The following DLC1 variants were observed in gnomAD, a reference collection of about 807,000 sequenced individuals.
DLC1 encodes DLC1 Rho GTPase activating protein, also known as rho GTPase-activating protein 7.
Under a neutral mutation model 140.3 loss-of-function variants are expected in DLC1, and 54 were observed. That is an observed-to-expected ratio of 0.38 (90% CI 0.31 to 0.48). The LOEUF is 0.48. Ranked by LOEUF, DLC1 falls within the 20% of genes least tolerant of loss-of-function variation. DLC1 has a pLI of 0.96. For synonymous variants in DLC1, 986 were observed against 728.1 expected, an observed-to-expected ratio of 1.35 and a Z score of -5.70; for missense variants, 2,536 against 1,907.0, an observed-to-expected ratio of 1.33 and a Z score of -6.14.
intron 5 of DLC1, among the ~76,000 whole-genome samples, chr8:13,136,360 G>C (rs1822560139): frequency 6.6e-6 from 1 of 152,042 alleles, no homozygotes; most frequent in Non-Finnish European, 1.5e-5. Flanking sequence ...GTAGTTCCCA[G>C]TGTGTCTTGT....
rs201003991 is a variant in DLC1, at chr8:13,396,061, TC to T, written c.1174-2369del. Among the ~76,000 whole-genome samples, 780 of 134,420 alleles carry T rather than the reference TC, an allele frequency of 5.8e-3. 25 individuals are homozygous for T. Among genetic ancestry groups the T allele is most frequent in the African/African-American group, 0.023 (728 of 31,798 alleles). The allele number at this position is 134,420 out of a possible 152,430, so 88.2% of individuals were successfully genotyped here. Reference sequence around the variant, plus strand: ...ATATTTTGCATTAATTTCTTTTCTTTCTTTTTTTTTTTTTTTGAGACGGAGT... The same window carrying T: ...ATATTTTGCATTAATTTCTTTTCTTTTTTTTTTTTTTTTTTGAGACGGAGT... On this transcript the variant is annotated intron_variant, in intron 3 of 17. Coordinates refer to ENST00000276297, the MANE Select transcript of DLC1 (RefSeq NM_182643.3).
rs147596582 is a variant in DLC1, at chr8:13,359,509, G to C, written c.1314+34044C>G. On this transcript the variant is annotated intron_variant, in intron 4 of 17. Transcript: ENST00000276297. ...AGTGGGAATCTTGACTATTGGAAGA[G>C]GTGGGGTTTACTTTAAGCTGGTTTA... Among the ~76,000 whole-genome samples the C allele has an allele frequency of 3.1e-3, 477 of 152,208 alleles. 3 individuals carry two copies. Among genetic ancestry groups the C allele is most frequent in the African/African-American group, 0.011 (454 of 41,526 alleles).
chr8:13,598,694 T>G (rs1805764040), intron 1 of DLC1, among the ~76,000 whole-genome samples: 1 of 152,084 alleles, frequency 6.6e-6, no homozygotes, highest in Non-Finnish European at 1.5e-5. Context: ...ATTGCATTAC[T>G]ACTTTTGTAA....
At chr8:13,116,129 T>C (rs1820539699) in intron 5 of DLC1, 1 of 986,632 alleles carries the variant, frequency 1.0e-6, no homozygotes, top group Non-Finnish European at 1.2e-6. Flanking sequence ...GGGTTGGGTG[T>C]TTCAAAAGCC....
chr8:13,321,796 A>C (rs1833136335), intron 4 of DLC1, among the ~76,000 whole-genome samples: 1 of 152,146 alleles, frequency 6.6e-6, no homozygotes, highest in Non-Finnish European at 1.5e-5. Context: ...TGTTATTTGC[A>C]GGCTGTCTTG....
intron 2 of DLC1, among the ~76,000 whole-genome samples, chr8:13,432,356 A>C (rs1355650801): frequency 6.6e-6 from 1 of 152,244 alleles, no homozygotes; most frequent in Non-Finnish European, 1.5e-5. Context: ...CCTAAGAAAA[A>C]TTAAAATGTG....
rs558577678 is a variant in DLC1, at chr8:13,362,548, T to G, written c.1314+31005A>C. 3.9e-5 allele frequency among the ~76,000 whole-genome samples: 6 copies of G among 152,182 alleles called. No homozygotes were observed. In the South Asian group the frequency reaches 1.2e-3, roughly 32 times the overall value. On this transcript the variant is annotated intron_variant, in intron 4 of 17. Transcript: ENST00000276297. Reference sequence around the variant, plus strand: ...CTCACATCCCTTCCACTCCTGAACGTGGACATCTGTTTCTTGCAATTCATA... The same window carrying G: ...CTCACATCCCTTCCACTCCTGAACGGGGACATCTGTTTCTTGCAATTCATA...
intron 2 of DLC1, among the ~76,000 whole-genome samples, chr8:13,472,007 C>G (rs534637185): frequency 6.6e-6 from 1 of 152,188 alleles, no homozygotes; most frequent in Non-Finnish European, 1.5e-5. Context: ...GCAAAACCTA[C>G]GCACGGAAAG....
At position 13,514,266 on chromosome 8, in the gene DLC1, A is replaced by T. The variant is rs192002104; in HGVS notation, c.-126+336T>A. ...TTTACACCTCACACTGATGTGTGAG[A>T]AAATGTATTTGTTTCACGTTATGCC... On this transcript the variant is annotated intron_variant, in intron 1 of 17. Transcript: ENST00000276297. Among the ~76,000 whole-genome samples the T allele has an allele frequency of 3.9e-3, 588 of 152,276 alleles. 5 individuals carry two copies. Among genetic ancestry groups the T allele is most frequent in the African/African-American group, 0.014 (566 of 41,554 alleles).
intron 1 of DLC1, among the ~76,000 whole-genome samples, chr8:13,560,853 G>T: frequency 6.6e-6 from 1 of 152,044 alleles, no homozygotes; most frequent in East Asian, 1.9e-4. Context: ...CCATCTACCA[G>T]TCAAGGAGAG....
At position 13,086,002 on chromosome 8, in the gene DLC1, T is replaced by A; in HGVS notation, c.4467-71A>T. ...AAGCATGGAAATAAAATGAGAAACA[T>A]CTGTTTGCTAGTTCAAATGCATAAA... On this transcript the variant is annotated intron_variant, in intron 17 of 17. Transcript: ENST00000276297. 6.3e-6 allele frequency: 10 copies of A among 1,583,598 alleles called. No homozygotes were observed. In the South Asian group the frequency reaches 1.1e-4, roughly 18 times the overall value.
chr8:13,104,478 C>G, intron 7 of DLC1, among the ~76,000 whole-genome samples: 1 of 152,148 alleles, frequency 6.6e-6, no homozygotes, highest in Non-Finnish European at 1.5e-5. Context: ...CCCAATTTTC[C>G]TGCCATCTCC....
At chr8:13,531,047 G>A (rs975957665) in intron 1 of DLC1, among the ~76,000 whole-genome samples, 2 of 152,174 alleles carry the variant, frequency 1.3e-5, no homozygotes, top group African/African-American at 4.8e-5. Context: ...TTCATATGAA[G>A]AGGAGGAGAT....
At chr8:13,455,840 C>T (rs1230837999) in intron 2 of DLC1, among the ~76,000 whole-genome samples, 1 of 152,136 alleles carries the variant, frequency 6.6e-6, no homozygotes, top group Non-Finnish European at 1.5e-5. Context: ...CATGCCACTG[C>T]ACTCTGGCCT....
intron 2 of DLC1, among the ~76,000 whole-genome samples, chr8:13,481,144 G>A (rs189176957): frequency 6.6e-6 from 1 of 152,104 alleles, no homozygotes; most frequent in African/African-American, 2.4e-5. Flanking sequence ...CAACAAATAG[G>A]CTGGGTGCAG....
intron 1 of DLC1, among the ~76,000 whole-genome samples, chr8:13,575,118 G>T (rs370380386): frequency 6.6e-6 from 1 of 152,240 alleles, no homozygotes; most frequent in East Asian, 1.9e-4. Context: ...TTTTCCAACT[G>T]GCAGTCAACT....
intron 5 of DLC1, among the ~76,000 whole-genome samples, chr8:13,262,547 C>T (rs1298228382): frequency 6.6e-6 from 1 of 151,994 alleles, no homozygotes; most frequent in Non-Finnish European, 1.5e-5. Flanking sequence ...TTGATTGAAC[C>T]ATATTTTTAT....
At chr8:13,223,700 A>G (rs1458833770) in intron 5 of DLC1, among the ~76,000 whole-genome samples, 1 of 152,218 alleles carries the variant, frequency 6.6e-6, no homozygotes, top group Non-Finnish European at 1.5e-5. Context: ...CCAATAAACA[A>G]CAAGCACTCC....
intron 5 of DLC1, among the ~76,000 whole-genome samples, chr8:13,163,120 A>T (rs950251179): frequency 1.3e-5 from 2 of 152,208 alleles, no homozygotes; most frequent in Non-Finnish European, 2.9e-5. Context: ...TTGGTGGCCC[A>T]CGATTTTAGC....
Sources: allele counts gnomAD v4.1 joint callset (sites outside exome capture counted in the v4.1 genomes callset), GRCh38; gene constraint gnomAD v4.1.1; transcripts MANE v1.5; gene names NCBI Gene and HGNC (gene_info 2026-07-23, HGNC 2026-07-21).